FREM2: variants seen among roughly 807,000 people sequenced by gnomAD.
The protein encoded by FREM2 is FRAS1-related extracellular matrix protein 2.
A neutral mutation model predicts 219.9 loss-of-function variants in FREM2; 119 were observed. The ratio of observed to expected loss-of-function variants is 0.54; its 90% CI spans 0.47 to 0.63. The LOEUF (loss-of-function observed/expected upper bound fraction) is 0.63, where lower values mean the gene tolerates loss of function less well. Ranked by LOEUF, FREM2 falls within the 30% of genes least tolerant of loss-of-function variation. FREM2 has a pLI of 0.00. For synonymous variants in FREM2, 1,562 were observed against 1,522.8 expected (o/e 1.03, Z -0.60); for missense variants, 4,030 against 3,993.6 (o/e 1.01, Z -0.25).
intron 1 of FREM2, among the ~76,000 whole-genome samples, chr13:38,692,902 C>T (rs1869955795): frequency 6.6e-6 from 1 of 152,154 alleles, no homozygotes; most frequent in Non-Finnish European, 1.5e-5. Context: ...GAAGGATGTG[C>T]TTTCTAAATA....
At chr13:38,800,104 T>A (rs1158202583) in intron 6 of FREM2, among the ~76,000 whole-genome samples, 1 of 152,152 alleles carries the variant, frequency 6.6e-6, no homozygotes, top group Non-Finnish European at 1.5e-5. Flanking sequence ...TGTAGTGGTA[T>A]CATTTGAGTC....
chr13:38,720,568 C>T (rs1032778392), intron 2 of FREM2, among the ~76,000 whole-genome samples: 2 of 152,148 alleles, frequency 1.3e-5, no homozygotes, highest in African/African-American at 4.8e-5. Flanking sequence ...CTTATAAAAT[C>T]AGGTGTCAGG....
rs1202586804 is a variant in FREM2 at position 38,783,199 on chromosome 13, G to A, written c.5767+4G>A. 1 of 1,613,938 alleles carries A rather than the reference G, an allele frequency of 6.2e-7. No individual in the cohort carries two copies. On this transcript the variant is annotated splice_donor_region_variant and intron_variant, in intron 5 of 23. Coordinates refer to ENST00000280481, the MANE Select transcript of FREM2 (RefSeq NM_207361.6). Reference sequence around the variant, plus strand: ...GTGGTCTGTTATACCCAACAAGGTAGCTCGATTTGCCGAAAAACTAAGATA... The same window carrying A: ...GTGGTCTGTTATACCCAACAAGGTAACTCGATTTGCCGAAAAACTAAGATA...
At position 38,688,582 on chromosome 13, in the gene FREM2, A is replaced by T. The variant is rs2138064285; in HGVS notation, c.1238A>T (p.Glu413Val). 1 of 1,613,564 alleles carries T rather than the reference A, an allele frequency of 6.2e-7. No individual in the cohort carries two copies. The highest frequency in any genetic ancestry group is 8.5e-7 in the Non-Finnish European group (1 of 1,179,708). ...GAGCGCCTCTTTGAACTGGAATTGG[A>T]GGTAGTGGATCTAGAAGGAGCAGCT... ...DQERLFELELEVVDLEGAASD... is the reference protein window; with the variant it reads ...DQERLFELELVVVDLEGAASD... The change falls in exon 1 of 24, where the codon GAG becomes GTG. Residue 413 changes from glutamate to valine, a missense_variant. Around this residue, in one of 2 missense-constraint regions of FREM2, gnomAD observed 3,102 missense variants for 2,950.7 expected, o/e 1.05. Coordinates refer to ENST00000280481, the MANE Select transcript of FREM2 (RefSeq NM_207361.6).
chr13:38,766,204 C>T (rs1873428071), intron 3 of FREM2, among the ~76,000 whole-genome samples: 1 of 152,028 alleles, frequency 6.6e-6, no homozygotes, highest in Non-Finnish European at 1.5e-5. Flanking sequence ...TATTTTTTTG[C>T]CTTTTTTTTT....
intron 6 of FREM2, among the ~76,000 whole-genome samples, chr13:38,820,689 A>G (rs1416305321): frequency 2.6e-5 from 4 of 152,186 alleles, no homozygotes; most frequent in Non-Finnish European, 5.9e-5. Context: ...GAGGTCTGGC[A>G]TATCTTTTTA....
intron 6 of FREM2, among the ~76,000 whole-genome samples, chr13:38,799,586 T>C (rs1874930441): frequency 6.6e-6 from 1 of 152,112 alleles, no homozygotes; most frequent in South Asian, 2.1e-4. Flanking sequence ...TATTATTGTA[T>C]TGCTGTCTGT....
At chr13:38,792,762 T>C (rs982317574) in intron 6 of FREM2, among the ~76,000 whole-genome samples, 85 of 107,716 alleles carry the variant, frequency 7.9e-4, no homozygotes, top group African/African-American at 2.6e-3. Context: ...GCAAAGCACT[T>C]TGATTTGGGA....
chr13:38,739,306 T>C (rs1272221666), intron 2 of FREM2, among the ~76,000 whole-genome samples: 2 of 152,184 alleles, frequency 1.3e-5, no homozygotes, highest in Non-Finnish European at 2.9e-5. Flanking sequence ...ATAACTTACA[T>C]TTGTTTGGTG....
At chr13:38,840,644 ATG>A (rs1555271126) in intron 6 of FREM2, among the ~76,000 whole-genome samples, 4 of 134,268 alleles carry the variant, frequency 3.0e-5, no homozygotes, top group South Asian at 4.7e-4. Flanking sequence ...ATATATATAT[ATG>A]TGTATGTATA....
chr13:38,790,706 A>G (rs533669314), intron 6 of FREM2, among the ~76,000 whole-genome samples: 6 of 152,328 alleles, frequency 3.9e-5, no homozygotes, highest in South Asian at 4.1e-4. Context: ...TGGCCATTGA[A>G]GGTAATGGCA....
intron 3 of FREM2, among the ~76,000 whole-genome samples, chr13:38,765,285 G>A (rs1873395000): frequency 6.6e-6 from 1 of 152,140 alleles, no homozygotes; most frequent in South Asian, 2.1e-4. Context: ...CAGCAATATG[G>A]TTGGCACAAA....
rs537022515 is a variant in FREM2 at position 38,705,043 on chromosome 13, A to G, written c.5263+7256A>G. 9.9e-5 allele frequency among the ~76,000 whole-genome samples: 15 copies of G among 152,282 alleles called. 1 individual carries two copies. The South Asian group carries it at 2.1e-3, about 21-fold the overall frequency. Reference sequence around the variant, plus strand: ...TTGGGTGGGGACACAGAGCCAAACCATATCCCAAACTAAATCATTTTAAAG... The same window carrying G: ...TTGGGTGGGGACACAGAGCCAAACCGTATCCCAAACTAAATCATTTTAAAG... On this transcript the variant is annotated intron_variant, in intron 2 of 23. Coordinates refer to ENST00000280481, the MANE Select transcript of FREM2 (RefSeq NM_207361.6).
intron 6 of FREM2, among the ~76,000 whole-genome samples, chr13:38,813,503 TCTCTC>T (rs1264813194): frequency 2.3e-3 from 38 of 16,620 alleles, no homozygotes; most frequent in African/African-American, 8.3e-3. Context: ...TCTCTCTCTC[TCTCTC>T]TCTCTCTCTC....
At chr13:38,805,150 A>ATCCTG (rs1593418213) in intron 6 of FREM2, among the ~76,000 whole-genome samples, 2 of 152,128 alleles carry the variant, frequency 1.3e-5, no homozygotes, top group East Asian at 3.9e-4. Context: ...ATTTGATAGG[A>ATCCTG]AGCACCTGGA....
At chr13:38,733,658 T>C (rs775049507) in intron 2 of FREM2, among the ~76,000 whole-genome samples, 6 of 152,272 alleles carry the variant, frequency 3.9e-5, no homozygotes, top group Admixed American at 1.3e-4. Flanking sequence ...TTCCTTTGTC[T>C]TACTGTTTAT....
At chr13:38,868,291 A>G (rs1230368892) in intron 16 of FREM2, among the ~76,000 whole-genome samples, 1 of 152,236 alleles carries the variant, frequency 6.6e-6, no homozygotes, top group African/African-American at 2.4e-5. Flanking sequence ...AACAGTAAGC[A>G]CAATGATAGT....
chr13:38,698,923 A>G (rs1461641823), intron 2 of FREM2, among the ~76,000 whole-genome samples: 2 of 152,178 alleles, frequency 1.3e-5, no homozygotes, highest in Non-Finnish European at 2.9e-5. Flanking sequence ...AGAGTCAATC[A>G]TGTGAGTGCC....
At chr13:38,827,722 T>C (rs1008567314) in intron 6 of FREM2, among the ~76,000 whole-genome samples, 4 of 152,112 alleles carry the variant, frequency 2.6e-5, no homozygotes, top group African/African-American at 9.7e-5. Context: ...TTGCAGGACC[T>C]CAGGACTGTG....
Sources: allele counts gnomAD v4.1 joint callset (sites outside exome capture counted in the v4.1 genomes callset), GRCh38; gene constraint gnomAD v4.1.1; regional missense constraint gnomAD v4.1.1; transcripts MANE v1.5; gene names NCBI Gene and HGNC (gene_info 2026-07-23, HGNC 2026-07-21).